Variants in SDK2 observed in about 807,000 individuals in gnomAD.
SDK2 encodes sidekick cell adhesion molecule 2.
A neutral mutation model predicts 253.9 loss-of-function variants in SDK2; 105 were observed. That is an observed-to-expected ratio of 0.41 (90% CI 0.35 to 0.49). The LOEUF (loss-of-function observed/expected upper bound fraction) is 0.49, where lower values mean the gene tolerates loss of function less well. Among genes scored for constraint, SDK2 ranks in the 20% least tolerant of loss-of-function variants. The pLI is 0.06. For synonymous variants in SDK2, 1,249 were observed against 1,234.9 expected, an observed-to-expected ratio of 1.01 and a Z score of -0.24; for missense variants, 2,608 against 3,003.0, an observed-to-expected ratio of 0.87 and a Z score of 3.07.
Position 73,415,985 on chromosome 17 carries a change from G to A in SDK2, c.2194C>T (p.Leu732=), listed in dbSNP as rs2063178409. 3 of 1,609,996 alleles carry A rather than the reference G, an allele frequency of 1.9e-6. No individual in the cohort carries two copies. The highest frequency in any genetic ancestry group is 2.7e-5 in the African/African-American group (2 of 75,014). Residue 732 remains leucine (L), a synonymous_variant, in exon 17 of 45, where the codon CTG becomes TTG. Transcript: ENST00000392650. ...ILKGYIIRYC[L]AGLPVGYQFK... Reference sequence around the variant, plus strand: ...TGGTACCCCACGGGCAGCCCGGCCAGGCAGTACCTGAGGGGAAGAGGCGAG... The same window carrying A: ...TGGTACCCCACGGGCAGCCCGGCCAAGCAGTACCTGAGGGGAAGAGGCGAG...
At position 73,399,309 on chromosome 17, in the gene SDK2, T is replaced by C. The variant is rs1386751697; in HGVS notation, c.2972-20A>G. The C allele has an allele frequency of 1.2e-6, 2 of 1,612,658 alleles. No homozygotes were observed. Among genetic ancestry groups the C allele is most frequent in the Non-Finnish European group, 1.7e-6 (2 of 1,179,512 alleles). Reference sequence around the variant, plus strand: ...GGAGTTCTGGAAAAGGAGAACAGGGTGGGGAAGGAGATCCGGTGAGAATGG... The same window carrying C: ...GGAGTTCTGGAAAAGGAGAACAGGGCGGGGAAGGAGATCCGGTGAGAATGG... On this transcript the variant is annotated intron_variant, in intron 21 of 44. Coordinates refer to ENST00000392650, the MANE Select transcript of SDK2 (RefSeq NM_001144952.2).
intron 1 of SDK2, among the ~76,000 whole-genome samples, chr17:73,567,288 G>A (rs1373015953): frequency 6.6e-6 from 1 of 152,244 alleles, no homozygotes; most frequent in East Asian, 1.9e-4. Flanking sequence ...GCTTCCACAT[G>A]GTGAAGCCTG....
At position 73,340,734 on chromosome 17, in the gene SDK2, GTTTTTTTT is replaced by G. The variant is rs10638504; in HGVS notation, c.6166-1802_6166-1795del. On this transcript the variant is annotated intron_variant, in intron 44 of 44. Transcript: ENST00000392650. The stretch of plus-strand genomic sequence containing the variant: ...ATTTTCATGTAATGAAAACCTTAAA[GTTTTTTTT>G]TTTTTTTTTTTTTTTTTTGAGATGG... 7.2e-4 allele frequency among the ~76,000 whole-genome samples: 56 copies of G among 77,558 alleles called. 1 individual carries two copies. Among genetic ancestry groups the G allele is most frequent in the South Asian group, 1.3e-3 (2 of 1,596 alleles). The allele number at this position is 77,558 out of a possible 152,430, so 50.9% of individuals were successfully genotyped here. A position where few individuals can be genotyped will look rare whatever the true frequency, so the allele number is the denominator to read the frequency against.
intron 12 of SDK2, among the ~76,000 whole-genome samples, chr17:73,428,203 T>G (rs2063298141): frequency 6.6e-6 from 1 of 152,150 alleles, no homozygotes; most frequent in Non-Finnish European, 1.5e-5. Context: ...ACGCCTGTAA[T>G]CCTAGCACTT....
chr17:73,437,857 C>A lies in SDK2; in HGVS notation c.917-35G>T, dbSNP rs138976812. ...GAAGGACCAGGGGAGGGGGTCAGAG[C>A]CATGCTCGCTTTGATCCAGCCACTG... On this transcript the variant is annotated intron_variant, in intron 7 of 44. Transcript: ENST00000392650. 1,233 of 1,611,362 alleles carry A rather than the reference C, an allele frequency of 7.7e-4. 9 individuals carry two copies. The African/African-American group carries it at 0.014, about 19-fold the overall frequency.
chr17:73,348,736 C>A lies in SDK2; in HGVS notation c.6039-11G>T. ...GGCCTGGGGGGAGACCTGGAGAGAG[C>A]GGGGGAGTGGGGCCGAGAGGTGCAC... On this transcript the variant is annotated splice_polypyrimidine_tract_variant and intron_variant, in intron 43 of 44. Transcript: ENST00000392650. 1 of 1,601,582 alleles carries A rather than the reference C, an allele frequency of 6.2e-7. No homozygotes were observed.
At chr17:73,512,012 A>G (rs958722094) in intron 1 of SDK2, among the ~76,000 whole-genome samples, 1 of 152,022 alleles carries the variant, frequency 6.6e-6, no homozygotes, top group African/African-American at 2.4e-5. Flanking sequence ...TGTGTGTGCA[A>G]GCCTTTGTGT....
In SDK2 at chr17:73,369,684, A is replaced by C. The variant is rs193163719; in HGVS notation, c.4981-1091T>G. ...TCTTCCTTTCTGTTTTTTGAGATGG[A>C]GTCTCGCACTGTCACACAGGCTGGA... On this transcript the variant is annotated intron_variant, in intron 36 of 44. Transcript: ENST00000392650. Among the ~76,000 whole-genome samples the C allele has an allele frequency of 2.0e-5, 3 of 152,266 alleles. No individual in the cohort carries two copies. The East Asian group carries it at 5.8e-4, about 29-fold the overall frequency.
rs12165015 is a variant in SDK2 at position 73,639,621 on chromosome 17, G to A, written c.64+4404C>T. ...GGGCTGTCTGTGGCAACATGCTCCA[G>A]GGGGAGCGGGGTAGAAACCCCGCAG... On this transcript the variant is annotated intron_variant, in intron 1 of 44. Coordinates refer to ENST00000392650, the MANE Select transcript of SDK2 (RefSeq NM_001144952.2). The surrounding 1 kb of genome is among the most constrained non-coding windows in gnomAD (Gnocchi z 4.3). Among the ~76,000 whole-genome samples, 9 of 152,206 alleles carry A rather than the reference G, an allele frequency of 5.9e-5. No individual in the cohort carries two copies. The highest frequency in any genetic ancestry group is 5.9e-4 in the Admixed American group (9 of 15,288).
intron 2 of SDK2, among the ~76,000 whole-genome samples, chr17:73,497,791 G>A (rs1043998986): frequency 6.6e-6 from 1 of 152,138 alleles, no homozygotes; most frequent in Non-Finnish European, 1.5e-5. Flanking sequence ...TCCATTCCCT[G>A]GGAAAAACCA....
chr17:73,636,354 AG>A (rs1249042117), intron 1 of SDK2, among the ~76,000 whole-genome samples: 2 of 152,078 alleles, frequency 1.3e-5, no homozygotes, highest in African/African-American at 4.8e-5. Flanking sequence ...TCGGGATGGA[AG>A]GGAAGACAAA....
At chr17:73,571,792 C>G (rs1285229712) in intron 1 of SDK2, among the ~76,000 whole-genome samples, 4 of 152,132 alleles carry the variant, frequency 2.6e-5, no homozygotes, top group Non-Finnish European at 1.5e-5. Flanking sequence ...CCCTCTCTGA[C>G]CGGGGTCTGA....
rs571417142 is a variant in SDK2 at position 73,424,491 on chromosome 17, T to A, written c.1584-399A>T. On this transcript the variant is annotated intron_variant, in intron 12 of 44. Transcript: ENST00000392650. ...TTTCCTCATAGTCACATTTCTGAAT[T>A]AGTTTTATGAGGGGAATCATTATAT... 1.1e-4 allele frequency among the ~76,000 whole-genome samples: 16 copies of A among 152,258 alleles called. No homozygotes were observed. In the Middle Eastern group the frequency reaches 0.01, roughly 97 times the overall value.
At chr17:73,626,262 G>A (rs1006279173) in intron 1 of SDK2, among the ~76,000 whole-genome samples, 2 of 152,228 alleles carry the variant, frequency 1.3e-5, no homozygotes, top group Non-Finnish European at 2.9e-5. Flanking sequence ...TCTCTTGTCT[G>A]TAGTGACAGA....
intron 1 of SDK2, among the ~76,000 whole-genome samples, chr17:73,640,628 G>A (rs1170605583): frequency 1.3e-5 from 2 of 152,206 alleles, no homozygotes; most frequent in African/African-American, 2.4e-5. Flanking sequence ...AATAATTACA[G>A]CTTAGCCACA....
chr17:73,463,676 A>T (rs1363689707), intron 3 of SDK2, among the ~76,000 whole-genome samples: 1 of 152,130 alleles, frequency 6.6e-6, no homozygotes, highest in Non-Finnish European at 1.5e-5. Context: ...ACCTGGGATT[A>T]TCCTGTATAT....
Position 73,431,584 on chromosome 17 carries a change from G to A in SDK2, c.1398C>T (p.His466=). The change falls in exon 11 of 45, where the codon CAC becomes CAT. Residue 466 remains histidine (H), a synonymous_variant. Transcript: ENST00000392650. This position sits in a 1 kb window ranked among gnomAD's most constrained non-coding sequence, Gnocchi z 5.6. ...ESGSLLISPT[H]ISDAGTYTCL... is the part of the protein sequence containing the mutation. ...AGGTGTAGGTCCCCGCATCGGAGATGTGTGTGGGGCTGATGAGGAGGCTGC... is the reference window on the plus strand; with the variant it reads ...AGGTGTAGGTCCCCGCATCGGAGATATGTGTGGGGCTGATGAGGAGGCTGC... 1.2e-6 allele frequency: 2 copies of A among 1,613,700 alleles called. No homozygotes were observed. Among genetic ancestry groups the A allele is most frequent in the Non-Finnish European group, 1.7e-6 (2 of 1,179,758 alleles).
intron 12 of SDK2, among the ~76,000 whole-genome samples, chr17:73,428,576 G>A (rs548523439): frequency 6.6e-6 from 1 of 152,116 alleles, no homozygotes; most frequent in Non-Finnish European, 1.5e-5. Flanking sequence ...GGCAAAAACC[G>A]CAGTTACGTT....
chr17:73,417,029 C>T (rs371787268), intron 16 of SDK2, among the ~76,000 whole-genome samples: 11 of 152,040 alleles, frequency 7.2e-5, no homozygotes, highest in South Asian at 6.2e-4. Context: ...TAAAAATATA[C>T]GTGTTAATCG....
Sources: gnomAD v4.1 joint callset for allele counts (sites outside exome capture counted in the v4.1 genomes callset) on GRCh38, gnomAD v4.1.1 for gene constraint, Gnocchi (gnomAD v3.1) non-coding constraint, MANE v1.5 for transcripts, NCBI Gene and HGNC (gene_info 2026-07-23, HGNC 2026-07-21) for gene names.